TNFSF4: variants seen among roughly 807,000 people sequenced by gnomAD.
The protein encoded by TNFSF4 is TNF superfamily member 4, also known as tumor necrosis factor ligand superfamily member 4.
Under a neutral mutation model 7.3 loss-of-function variants are expected in TNFSF4, and 4 were observed. The observed-to-expected ratio is 0.55, with a 90% CI of 0.27 to 1.25. The LOEUF is 1.25. TNFSF4 is among the 50% of genes most tolerant of loss of function. TNFSF4 has a pLI of 0.12. For synonymous variants in TNFSF4, 76 were observed against 83.7 expected, an observed-to-expected ratio of 0.91 and a Z score of 0.50; for missense variants, 181 against 208.8, an observed-to-expected ratio of 0.87 and a Z score of 0.82.
the TNFSF4 span, among the ~76,000 whole-genome samples, chr1:173,421,917 G>T: frequency 6.6e-6 from 1 of 152,120 alleles, no homozygotes; most frequent in South Asian, 2.1e-4. Flanking sequence ...TTTTGTTGTT[G>T]GTTTTTTCCC....
the TNFSF4 span, among the ~76,000 whole-genome samples, chr1:173,316,779 T>C: frequency 2.2e-4 from 34 of 152,278 alleles, no homozygotes; most frequent in African/African-American, 7.9e-4. Context: ...ACAAAAGAAA[T>C]TTTTACAAGG....
intron 1 of TNFSF4, among the ~76,000 whole-genome samples, chr1:173,202,070 TACACACACAC>T (rs1553213097): frequency 3.3e-5 from 5 of 149,594 alleles, no homozygotes; most frequent in East Asian, 2.0e-4. Flanking sequence ...TATATATATA[TACACACACAC>T]ATACACATAT....
At chr1:173,226,249 G>A in the TNFSF4 span, among the ~76,000 whole-genome samples, 1 of 152,160 alleles carries the variant, frequency 6.6e-6, no homozygotes, top group Non-Finnish European at 1.5e-5. Flanking sequence ...CATCCAGCTA[G>A]AGACATTTCC....
At chr1:173,380,625 C>T in the TNFSF4 span, among the ~76,000 whole-genome samples, 3 of 152,266 alleles carry the variant, frequency 2.0e-5, no homozygotes, top group African/African-American at 7.2e-5. Context: ...CCTGCAGCAG[C>T]GTCCCCACCA....
At chr1:173,283,727 T>C in the TNFSF4 span, among the ~76,000 whole-genome samples, 6 of 152,212 alleles carry the variant, frequency 3.9e-5, no homozygotes, top group African/African-American at 1.4e-4. Context: ...TCTGAGATGC[T>C]GAAAAAATCA....
the TNFSF4 span, among the ~76,000 whole-genome samples, chr1:173,220,185 T>TA: frequency 6.6e-6 from 1 of 152,154 alleles, no homozygotes; most frequent in Non-Finnish European, 1.5e-5. Context: ...AAAGTTTTTT[T>TA]TAAAAAAAAG....
the TNFSF4 span, among the ~76,000 whole-genome samples, chr1:173,177,233 A>G: frequency 6.6e-6 from 1 of 152,232 alleles, no homozygotes; most frequent in Non-Finnish European, 1.5e-5. Flanking sequence ...AAAATGTGGT[A>G]TATATACACA....
chr1:173,360,103 T>C, the TNFSF4 span, among the ~76,000 whole-genome samples: 3 of 152,268 alleles, frequency 2.0e-5, no homozygotes, highest in Admixed American at 2.0e-4. Flanking sequence ...CTTCTCCCCA[T>C]TCCAACTAGC....
At chr1:173,327,066 C>T in the TNFSF4 span, among the ~76,000 whole-genome samples, 3 of 152,178 alleles carry the variant, frequency 2.0e-5, no homozygotes, top group Non-Finnish European at 4.4e-5. Flanking sequence ...CAAGTCAATC[C>T]TAAGCCAAAA....
chr1:173,234,300 A>C, the TNFSF4 span, among the ~76,000 whole-genome samples: 5,054 of 152,294 alleles, frequency 0.033, 125 homozygotes, highest in Non-Finnish European at 0.049. Context: ...AGGAAACAAC[A>C]GGTGCTGGAG....
the TNFSF4 span, among the ~76,000 whole-genome samples, chr1:173,381,159 T>C: frequency 7.2e-5 from 11 of 152,170 alleles, no homozygotes; most frequent in African/African-American, 2.2e-4. Flanking sequence ...TCAGACAGTC[T>C]GCAAGAAATA....
At chr1:173,439,757 C>G in the TNFSF4 span, among the ~76,000 whole-genome samples, 1 of 152,150 alleles carries the variant, frequency 6.6e-6, no homozygotes, top group Admixed American at 6.6e-5. Context: ...GACCAGAAGG[C>G]CGCATGATCC....
intron 2 of TNFSF4, among the ~76,000 whole-genome samples, chr1:173,187,633 G>C (rs1649288115): frequency 6.6e-6 from 1 of 152,166 alleles, no homozygotes; most frequent in Non-Finnish European, 1.5e-5. Context: ...ACCTCCTGTT[G>C]CTAGTTTTTC....
At chr1:173,246,652 G>C in the TNFSF4 span, among the ~76,000 whole-genome samples, 1 of 152,176 alleles carries the variant, frequency 6.6e-6, no homozygotes, top group African/African-American at 2.4e-5. Flanking sequence ...GTGCTGATGA[G>C]TGAAATATTT....
At chr1:173,244,152 A>G in the TNFSF4 span, among the ~76,000 whole-genome samples, 1 of 152,222 alleles carries the variant, frequency 6.6e-6, no homozygotes, top group Non-Finnish European at 1.5e-5. Flanking sequence ...AATTAAGTCT[A>G]TCGTTTTGGG....
the TNFSF4 span, among the ~76,000 whole-genome samples, chr1:173,237,166 C>T: frequency 6.6e-6 from 1 of 152,116 alleles, no homozygotes; most frequent in Non-Finnish European, 1.5e-5. Flanking sequence ...GTGAGACTGC[C>T]CCAGCCATGT....
At chr1:173,389,050 A>C in the TNFSF4 span, among the ~76,000 whole-genome samples, 1 of 152,238 alleles carries the variant, frequency 6.6e-6, no homozygotes, top group Admixed American at 6.5e-5. Context: ...AATTATGTGC[A>C]TTACATATTT....
At chr1:173,178,491 G>A in the TNFSF4 span, among the ~76,000 whole-genome samples, 37 of 152,144 alleles carry the variant, frequency 2.4e-4, no homozygotes, top group African/African-American at 6.0e-4. Flanking sequence ...GGAGAATGGC[G>A]GGAACCCGGG....
the TNFSF4 span, among the ~76,000 whole-genome samples, chr1:173,441,355 C>A: frequency 8.5e-5 from 13 of 152,052 alleles, no homozygotes; most frequent in Non-Finnish European, 1.8e-4. Context: ...CTTACCATTG[C>A]TCAAGCCCTA....
Sources: gnomAD v4.1 joint callset for allele counts (sites outside exome capture counted in the v4.1 genomes callset) on GRCh38, gnomAD v4.1.1 for gene constraint, MANE v1.5 for transcripts, NCBI Gene and HGNC (gene_info 2026-07-23, HGNC 2026-07-21) for gene names.